Variants in PAPPA2 observed in about 807,000 individuals in gnomAD.
The protein encoded by PAPPA2 is pappalysin 2.
A neutral mutation model predicts 176.4 loss-of-function variants in PAPPA2; 86 were observed. The observed-to-expected ratio is 0.49, with a 90% confidence interval of 0.41 to 0.58. The LOEUF (loss-of-function observed/expected upper bound fraction) is 0.58, where lower values mean the gene tolerates loss of function less well. PAPPA2 is among the 20% of genes least tolerant of loss of function. The probability of loss-of-function intolerance (pLI) is 0.00; values close to 1 mark genes in which losing one functional copy is unlikely to be tolerated. For synonymous variants in PAPPA2, 809 were observed against 852.2 expected (o/e 0.95, Z 0.88); for missense variants, 2,073 against 2,256.9 (o/e 0.92, Z 1.65).
chr1:176,600,492 C>T (rs368607444), intron 3 of PAPPA2, among the ~76,000 whole-genome samples: 9 of 151,470 alleles, frequency 5.9e-5, no homozygotes, highest in African/African-American at 1.7e-4. Flanking sequence ...CTGGCTAACA[C>T]GGTGAAACCC....
chr1:176,680,486 T>A (rs1659530389), intron 4 of PAPPA2, among the ~76,000 whole-genome samples: 1 of 152,236 alleles, frequency 6.6e-6, no homozygotes, highest in Non-Finnish European at 1.5e-5. Flanking sequence ...CTTTTTATTT[T>A]GAGATATTAT....
chr1:176,579,002 A>G (rs887695683), intron 2 of PAPPA2, among the ~76,000 whole-genome samples: 28 of 152,110 alleles, frequency 1.8e-4, no homozygotes, highest in African/African-American at 6.3e-4. Flanking sequence ...CCCAGGGTGG[A>G]TTATACTTTT....
chr1:176,671,713 A>G (rs1659012677), intron 4 of PAPPA2, among the ~76,000 whole-genome samples: 1 of 152,104 alleles, frequency 6.6e-6, no homozygotes, highest in Non-Finnish European at 1.5e-5. Context: ...CATATACACC[A>G]TGGAATACTA....
At chr1:176,793,234 G>A (rs141576237) in intron 19 of PAPPA2, among the ~76,000 whole-genome samples, 1 of 152,110 alleles carries the variant, frequency 6.6e-6, no homozygotes, top group Non-Finnish European at 1.5e-5. Flanking sequence ...GATCTTGGAG[G>A]CCAGCTGGGC....
chr1:176,538,413 C>T (rs1188577271), intron 1 of PAPPA2, among the ~76,000 whole-genome samples: 1 of 152,160 alleles, frequency 6.6e-6, no homozygotes, highest in African/African-American at 2.4e-5. Context: ...AGGCATTCAT[C>T]CAAGGTCACA....
At chr1:176,634,403 A>G (rs906329658) in intron 3 of PAPPA2, among the ~76,000 whole-genome samples, 2 of 152,264 alleles carry the variant, frequency 1.3e-5, no homozygotes, top group East Asian at 3.9e-4. Flanking sequence ...GAACACTTGG[A>G]CACAGGAAGG....
intron 1 of PAPPA2, among the ~76,000 whole-genome samples, chr1:176,510,278 A>T (rs375145474): frequency 5.9e-5 from 9 of 152,178 alleles, no homozygotes; most frequent in African/African-American, 1.9e-4. Context: ...AGCAACAAAG[A>T]TAAGAATTAT....
intron 3 of PAPPA2, among the ~76,000 whole-genome samples, chr1:176,622,056 G>C (rs2102692877): frequency 6.6e-6 from 1 of 152,180 alleles, no homozygotes; most frequent in South Asian, 2.1e-4. Context: ...AGAATGCTGA[G>C]AATTAGACCT....
chr1:176,708,446 G>A (rs1279225983), intron 10 of PAPPA2, among the ~76,000 whole-genome samples: 1 of 151,542 alleles, frequency 6.6e-6, no homozygotes, highest in Non-Finnish European at 1.5e-5. Context: ...TTTTAAGTCC[G>A]TGCTTAAAAA....
chr1:176,495,566 G>A (rs1218085078), intron 1 of PAPPA2, among the ~76,000 whole-genome samples: 16 of 150,322 alleles, frequency 1.1e-4, no homozygotes, highest in African/African-American at 3.4e-4. Context: ...AAGAAAAAAA[G>A]AAAAGAAACT....
intron 3 of PAPPA2, among the ~76,000 whole-genome samples, chr1:176,600,446 G>C (rs1654245721): frequency 6.6e-6 from 1 of 151,928 alleles, no homozygotes; most frequent in Non-Finnish European, 1.5e-5. Flanking sequence ...GGAGGCCGAG[G>C]CGGGCGGATC....
intron 3 of PAPPA2, among the ~76,000 whole-genome samples, chr1:176,620,569 ATAT>A (rs1263253419): frequency 6.6e-6 from 1 of 152,222 alleles, no homozygotes; most frequent in Non-Finnish European, 1.5e-5. Flanking sequence ...CAACTACTTC[ATAT>A]TATTGTTGTA....
intron 12 of PAPPA2, among the ~76,000 whole-genome samples, chr1:176,724,666 C>G (rs541958443): frequency 6.6e-6 from 1 of 152,210 alleles, no homozygotes; most frequent in Non-Finnish European, 1.5e-5. Context: ...ATAATTTCCT[C>G]TCTTCCTTTG....
At chr1:176,694,519 A>G (rs1343320628) in intron 6 of PAPPA2, among the ~76,000 whole-genome samples, 2 of 152,274 alleles carry the variant, frequency 1.3e-5, no homozygotes, top group Non-Finnish European at 1.5e-5. Context: ...CATAATCACT[A>G]CCTTTATTTT....
intron 1 of PAPPA2, among the ~76,000 whole-genome samples, chr1:176,487,070 T>C (rs1652678039): frequency 6.6e-6 from 1 of 152,198 alleles, no homozygotes; most frequent in Admixed American, 6.5e-5. Context: ...TGAAAAGTCC[T>C]CTTCTCTCCC....
chr1:176,752,116 C>G (rs1451693169), intron 14 of PAPPA2, among the ~76,000 whole-genome samples: 1 of 134,192 alleles, frequency 7.5e-6, no homozygotes, highest in Non-Finnish European at 1.6e-5. Flanking sequence ...ACCGCATATT[C>G]TCACTCATAG....
At chr1:176,666,963 TG>T (rs1478420299) in intron 3 of PAPPA2, among the ~76,000 whole-genome samples, 1 of 152,088 alleles carries the variant, frequency 6.6e-6, no homozygotes, top group Non-Finnish European at 1.5e-5. Context: ...AAGACTGTGT[TG>T]GCCGGGTACC....
In PAPPA2 at chr1:176,842,375, C is replaced by T. The variant is rs1667520440; in HGVS notation, c.5302-5C>T. 3.7e-6 allele frequency: 6 copies of T among 1,612,338 alleles called. No homozygotes were observed. The highest frequency in any genetic ancestry group is 2.2e-5 in the East Asian group (1 of 44,848). ...GCTATTTCTACTTCCCTTTCATTCC[C>T]CTAGGTCATTCCATTTGCTGCTGAC... On this transcript the variant is annotated splice_region_variant and splice_polypyrimidine_tract_variant and intron_variant, in intron 22 of 22. Transcript: ENST00000367662.
At chr1:176,469,716 C>A (rs1651786612) in intron 1 of PAPPA2, among the ~76,000 whole-genome samples, 1 of 152,158 alleles carries the variant, frequency 6.6e-6, no homozygotes, top group East Asian at 1.9e-4. Flanking sequence ...ACTCTGCTCT[C>A]ACCTCCCAGA....
Sources: gnomAD v4.1 joint callset for allele counts (sites outside exome capture counted in the v4.1 genomes callset) on GRCh38, gnomAD v4.1.1 for gene constraint, MANE v1.5 for transcripts, NCBI Gene and HGNC (gene_info 2026-07-23, HGNC 2026-07-21) for gene names.